Variants in GPR19 observed in about 807,000 individuals in gnomAD.
The protein encoded by GPR19 is G protein-coupled receptor 19, also known as probable G protein-coupled receptor 19.
Under a neutral mutation model 28.5 loss-of-function variants are expected in GPR19, and 14 were observed. That is an observed-to-expected ratio of 0.49 (90% CI 0.32 to 0.77). GPR19 has a LOEUF of 0.77. Ranked by LOEUF, GPR19 falls within the 30% of genes least tolerant of loss-of-function variation. The pLI is 0.03. For synonymous variants in GPR19, 173 were observed against 184.1 expected (o/e 0.94, Z 0.49); for missense variants, 409 against 504.1 (o/e 0.81, Z 1.81).
chr12:12,699,076 C>T (rs951781166), upstream of GPR19, among the ~76,000 whole-genome samples: 1 of 152,068 alleles, frequency 6.6e-6, no homozygotes, highest in African/African-American at 2.4e-5. Context: ...GGCACAGTGG[C>T]TCACGCCTGT....
intron 3 of GPR19, among the ~76,000 whole-genome samples, chr12:12,664,481 T>C (rs1453099333): frequency 6.6e-6 from 1 of 152,070 alleles, no homozygotes; most frequent in Non-Finnish European, 1.5e-5. Flanking sequence ...TTAAGTAAGA[T>C]AATTAAAATT....
At chr12:12,694,284 T>C (rs1592270911) in intron 2 of GPR19, among the ~76,000 whole-genome samples, 2 of 139,868 alleles carry the variant, frequency 1.4e-5, no homozygotes, top group African/African-American at 2.6e-5. Flanking sequence ...CTGCAAGCTC[T>C]GCCTCCCGGG....
upstream of GPR19, among the ~76,000 whole-genome samples, chr12:12,696,715 A>T (rs1007873513): frequency 2.0e-5 from 3 of 152,236 alleles, no homozygotes; most frequent in Non-Finnish European, 1.5e-5. Flanking sequence ...TTACCAGTCC[A>T]GGCGAAGCGC....
intron 3 of GPR19, among the ~76,000 whole-genome samples, chr12:12,669,247 C>G: frequency 6.6e-6 from 1 of 152,174 alleles, no homozygotes. Flanking sequence ...ACATGCTGGC[C>G]TGGAGAAATA....
At chr12:12,673,440 C>T (rs983998253) in intron 3 of GPR19, among the ~76,000 whole-genome samples, 1 of 152,198 alleles carries the variant, frequency 6.6e-6, no homozygotes, top group Admixed American at 6.5e-5. Context: ...CACTGTGGTG[C>T]TGCTAGGACA....
chr12:12,662,616 TAAC>T (rs1945696769), intron 3 of GPR19, 146 bp from the exon 4 acceptor site: 1 of 713,872 alleles, frequency 1.4e-6, no homozygotes, highest in East Asian at 2.7e-5. Context: ...CAGGAAAACA[TAAC>T]TACTATCCAG....
chr12:12,700,919 C>G (rs540247655), upstream of GPR19, among the ~76,000 whole-genome samples: 56 of 152,266 alleles, frequency 3.7e-4, no homozygotes, highest in Non-Finnish European at 5.9e-4. Flanking sequence ...AAATGTGGCT[C>G]CCAGAAAACC....
chr12:12,682,773 T>C (rs1232243720), intron 3 of GPR19, among the ~76,000 whole-genome samples: 2 of 152,208 alleles, frequency 1.3e-5, no homozygotes, highest in Non-Finnish European at 2.9e-5. Context: ...TCAGTCATCT[T>C]TTATTATCAA....
intron 3 of GPR19, among the ~76,000 whole-genome samples, chr12:12,670,591 T>G (rs1252580483): frequency 2.0e-5 from 3 of 152,220 alleles, no homozygotes; most frequent in African/African-American, 7.2e-5. Flanking sequence ...TGCATCTGCC[T>G]GGTATGAGGA....
intron 3 of GPR19, among the ~76,000 whole-genome samples, chr12:12,670,678 AAATTAGTCTTTT>A (rs1945843870): frequency 1.3e-5 from 2 of 152,228 alleles, no homozygotes; most frequent in South Asian, 2.1e-4. Flanking sequence ...ACTGCTTCAA[AAATTAGTCTTTT>A]AAACCATATG....
intron 3 of GPR19, among the ~76,000 whole-genome samples, chr12:12,664,800 G>T (rs1478263960): frequency 6.6e-6 from 1 of 151,604 alleles, no homozygotes; most frequent in Admixed American, 6.6e-5. Flanking sequence ...GGCGCCTGTG[G>T]TCCCAGCTAC....
the GPR19 span, among the ~76,000 whole-genome samples, chr12:12,704,561 G>C: frequency 6.6e-6 from 1 of 152,234 alleles, no homozygotes; most frequent in Admixed American, 6.5e-5. Context: ...ATTATTGTGT[G>C]AGTAGTGTAT....
At chr12:12,664,928 A>AG (rs1945743010) in intron 3 of GPR19, among the ~76,000 whole-genome samples, 12 of 138,622 alleles carry the variant, frequency 8.7e-5, no homozygotes, top group Admixed American at 7.3e-4. Context: ...TCAAAAAAAA[A>AG]AAAAAAAAAA....
chr12:12,698,292 G>A (rs1271806223), upstream of GPR19, among the ~76,000 whole-genome samples: 1 of 152,178 alleles, frequency 6.6e-6, no homozygotes, highest in Admixed American at 6.5e-5. Flanking sequence ...AGTCTGCCCC[G>A]TGACTCAGAA....
chr12:12,676,746 C>T (rs546216196), intron 3 of GPR19, among the ~76,000 whole-genome samples: 20 of 152,302 alleles, frequency 1.3e-4, no homozygotes, highest in African/African-American at 4.1e-4. Context: ...AGTTTCTACA[C>T]GTTTCTTCCC....
In GPR19 at chr12:12,661,894, C is replaced by T. The variant is rs746729250; in HGVS notation, c.555G>A (p.Ala185=). 36 of 1,614,044 alleles carry T rather than the reference C, an allele frequency of 2.2e-5. No individual in the cohort carries two copies. The highest frequency in any genetic ancestry group is 1.3e-4 in the Admixed American group (8 of 59,998). ...AGCCTGCATCAAAGACCCACGATGC[C>T]GCAATCATTTTCTTGGCTTTTTCTC... ...VSREKAKKMI[A]ASWVFDAGFV... Residue 185 remains alanine, a synonymous_variant, in exon 4 of 4, where the codon GCG becomes GCA. Coordinates refer to ENST00000651487, the MANE Select transcript of GPR19 (RefSeq NM_006143.3). This position sits in a 1 kb window ranked among gnomAD's most constrained non-coding sequence, Gnocchi z 4.2.
chr12:12,715,143 G>A, the GPR19 span: 1 of 152,214 alleles, frequency 6.6e-6, no homozygotes, highest in Non-Finnish European at 1.5e-5. Flanking sequence ...CATACATGTG[G>A]TAGTTTGGGT....
At chr12:12,671,858 T>C (rs183794028) in intron 3 of GPR19, among the ~76,000 whole-genome samples, 1 of 152,344 alleles carries the variant, frequency 6.6e-6, no homozygotes, top group East Asian at 1.9e-4. Flanking sequence ...TAAAGACCAG[T>C]TGTACATTTT....
rs753735125 is a variant in GPR19 at position 12,661,454 on chromosome 12, A to G, written c.995T>C (p.Ile332Thr). The change falls in exon 4 of 4, where the codon ATT becomes ACT. Residue 332 changes from isoleucine to threonine, a missense_variant. By Grantham distance (89) the Ile-to-Thr change is moderately conservative. Transcript: ENST00000651487. The surrounding 1 kb of genome is among the most constrained non-coding windows in gnomAD (Gnocchi z 4.2). ...CCCTCTCCGAAAATTGGCATTATAA[A>G]TTGAATACAGAGTAGGTTTAGAGGC... Reference protein sequence around the residue: ...SSASKPTLYSIYNANFRRGMK... With the variant: ...SSASKPTLYSTYNANFRRGMK... 5 of 1,613,858 alleles carry G rather than the reference A, an allele frequency of 3.1e-6. No individual in the cohort carries two copies. Among genetic ancestry groups the G allele is most frequent in the Non-Finnish European group, 4.2e-6 (5 of 1,179,742 alleles).
Sources: gnomAD v4.1 joint callset for allele counts (sites outside exome capture counted in the v4.1 genomes callset) on GRCh38, gnomAD v4.1.1 for gene constraint, Gnocchi (gnomAD v3.1) non-coding constraint, MANE v1.5 for transcripts, NCBI Gene and HGNC (gene_info 2026-07-23, HGNC 2026-07-21) for gene names.